The following CHD9 variants were observed in gnomAD, a reference collection of about 807,000 sequenced individuals.
CHD9 encodes the protein ATP-dependent chromatin remodeler CHD9.
A neutral mutation model predicts 316.1 loss-of-function variants in CHD9; 77 were observed. That is an observed-to-expected ratio of 0.24 (90% CI 0.20 to 0.29). CHD9 has a LOEUF of 0.29. Ranked by LOEUF, CHD9 falls within the 10% of genes least tolerant of loss-of-function variation. The pLI is 1.00. For missense variants in CHD9, 2,763 were observed against 3,438.1 expected, an observed-to-expected ratio of 0.80 and a Z score of 4.91; for synonymous variants, 1,129 against 1,158.3, an observed-to-expected ratio of 0.97 and a Z score of 0.51.
intron 1 of CHD9, among the ~76,000 whole-genome samples, chr16:53,114,063 AT>A (rs1473184098): frequency 6.6e-6 from 1 of 151,980 alleles, no homozygotes; most frequent in Non-Finnish European, 1.5e-5. Context: ...TGAGAAAAAA[AT>A]CAATAACTAC....
chr16:53,121,216 T>G (rs2038717735), intron 1 of CHD9: 2 of 384,978 alleles, frequency 5.2e-6, no homozygotes, highest in African/African-American at 2.1e-5. Flanking sequence ...ACATCACAGA[T>G]CCCCTTTAAA....
intron 1 of CHD9, among the ~76,000 whole-genome samples, chr16:53,117,407 A>T (rs954817444): frequency 2.0e-5 from 3 of 148,600 alleles, no homozygotes; most frequent in Admixed American, 6.7e-5. Context: ...TCTCTGACGT[A>T]ATATATATAT....
At chr16:53,187,833 A>G (rs1450874207) in intron 2 of CHD9, among the ~76,000 whole-genome samples, 8 of 152,222 alleles carry the variant, frequency 5.3e-5, no homozygotes, top group African/African-American at 1.9e-4. Context: ...ATAAGTAGTA[A>G]GAAAATCAGG....
chr16:53,296,497 G>A (rs1458163469), intron 29 of CHD9, among the ~76,000 whole-genome samples: 1 of 139,566 alleles, frequency 7.2e-6, no homozygotes, highest in Non-Finnish European at 1.5e-5. Context: ...CTAGAGTGCA[G>A]TGGCACAATC....
chr16:53,124,746 C>T lies in CHD9; in HGVS notation c.-164-31180C>T, dbSNP rs537954220. Among the ~76,000 whole-genome samples, 3 of 152,184 alleles carry T rather than the reference C, an allele frequency of 2.0e-5. No individual in the cohort carries two copies. In the East Asian group the frequency reaches 5.8e-4, roughly 29 times the overall value. On this transcript the variant is annotated intron_variant, in intron 1 of 38. Transcript: ENST00000447540. ...CTGCCCTCTTCGGCCTCCCAAAGTG[C>T]TGGGATTACAGGTGTGAGCCACCAC...
intron 1 of CHD9, among the ~76,000 whole-genome samples, chr16:53,087,769 G>A (rs1411817378): frequency 3.9e-5 from 6 of 152,008 alleles, no homozygotes; most frequent in Non-Finnish European, 7.4e-5. Flanking sequence ...CCAACATGAT[G>A]AAACCTTGTC....
intron 1 of CHD9, among the ~76,000 whole-genome samples, chr16:53,094,694 C>T (rs1485857035): frequency 6.8e-6 from 1 of 146,998 alleles, no homozygotes; most frequent in East Asian, 2.0e-4. Flanking sequence ...GGCTGGAGTG[C>T]AATGGTGTGA....
intron 22 of CHD9, among the ~76,000 whole-genome samples, chr16:53,271,333 C>T (rs1327476660): frequency 6.6e-6 from 1 of 152,084 alleles, no homozygotes; most frequent in African/African-American, 2.4e-5. Context: ...CTTTGGGAAG[C>T]TGAGGTGGCC....
chr16:53,224,974 T>C (rs2047527514), intron 4 of CHD9, among the ~76,000 whole-genome samples: 1 of 152,194 alleles, frequency 6.6e-6, no homozygotes. Flanking sequence ...GTTTGAAATG[T>C]CAATGTCTTC....
At chr16:53,179,466 C>T (rs1164586126) in intron 2 of CHD9, among the ~76,000 whole-genome samples, 3 of 152,126 alleles carry the variant, frequency 2.0e-5, no homozygotes, top group African/African-American at 4.8e-5. Context: ...ATTTATGTCC[C>T]TCTGCATCAT....
intron 1 of CHD9, among the ~76,000 whole-genome samples, chr16:53,154,535 G>A (rs1021903599): frequency 6.6e-6 from 1 of 152,174 alleles, no homozygotes; most frequent in African/African-American, 2.4e-5. Context: ...GACCGGTTTC[G>A]TGGATGGGGT....
intron 8 of CHD9, 126 bp from the exon 9 acceptor site, chr16:53,231,293 C>A (rs572753430): frequency 3.7e-6 from 2 of 536,992 alleles, no homozygotes; most frequent in East Asian, 6.1e-5. Context: ...TGGAAGAATT[C>A]CATTTATTGG....
At chr16:53,146,419 G>GTGTATATATATATA (rs1555492145) in intron 1 of CHD9, among the ~76,000 whole-genome samples, 7 of 76,700 alleles carry the variant, frequency 9.1e-5, no homozygotes, top group African/African-American at 4.1e-4. Context: ...GTGTGTGTAT[G>GTGTATATATATATA]TATATATATA....
intron 1 of CHD9, among the ~76,000 whole-genome samples, chr16:53,103,093 C>G (rs2037031541): frequency 6.6e-6 from 1 of 151,162 alleles, no homozygotes; most frequent in African/African-American, 2.4e-5. Flanking sequence ...GATCCGCCCG[C>G]CTTGGCCTCC....
At chr16:53,235,126 G>C (rs1208948908) in intron 10 of CHD9, 59 bp from the exon 11 acceptor site, 2 of 1,405,796 alleles carry the variant, frequency 1.4e-6, no homozygotes, top group Non-Finnish European at 1.9e-6. Context: ...AATGCTTTTT[G>C]CCTTCAGTAT....
chr16:53,058,340 C>G (rs931862844), intron 1 of CHD9, among the ~76,000 whole-genome samples: 2 of 152,112 alleles, frequency 1.3e-5, no homozygotes, highest in Admixed American at 1.3e-4. Flanking sequence ...AGGCTGGTCT[C>G]GAGCTCCCGA....
chr16:53,255,843 T>G (rs1177171785), intron 19 of CHD9, 64 bp downstream of exon 19: 1 of 1,419,486 alleles, frequency 7.0e-7, no homozygotes, highest in Non-Finnish European at 9.8e-7. Context: ...CTGAGAAAGT[T>G]TAATTATCTC....
At chr16:53,105,822 C>CTT (rs200467105) in intron 1 of CHD9, among the ~76,000 whole-genome samples, 6 of 136,850 alleles carry the variant, frequency 4.4e-5, no homozygotes, top group Admixed American at 7.4e-5. Flanking sequence ...ATGATAAGAA[C>CTT]TTTTTTTTTT....
At chr16:53,312,870 T>C (rs1278094222) in intron 34 of CHD9, among the ~76,000 whole-genome samples, 1 of 152,232 alleles carries the variant, frequency 6.6e-6, no homozygotes, top group Non-Finnish European at 1.5e-5. Context: ...ACTTGCTCAG[T>C]AAATTCTCCT....
Sources: allele counts gnomAD v4.1 joint callset (sites outside exome capture counted in the v4.1 genomes callset), GRCh38; gene constraint gnomAD v4.1.1; transcripts MANE v1.5; gene names NCBI Gene and HGNC (gene_info 2026-07-23, HGNC 2026-07-21).